Variants in ZMYND8 observed in about 807,000 individuals in gnomAD.
ZMYND8 encodes MYND-type zinc finger-containing chromatin reader ZMYND8.
In ZMYND8, 37 loss-of-function variants were observed where a neutral mutation model predicts 140.8. The observed-to-expected ratio is 0.26, with a 90% CI of 0.20 to 0.35. The LOEUF (loss-of-function observed/expected upper bound fraction) is 0.35. ZMYND8 is among the 10% of genes least tolerant of loss of function. The probability of loss-of-function intolerance (pLI) is 1.00; values close to 1 mark genes in which losing one functional copy is unlikely to be tolerated. For missense variants in ZMYND8, 1,068 were observed against 1,570.0 expected (o/e 0.68, Z 5.40); for synonymous variants, 592 against 597.1 (o/e 0.99, Z 0.12).
intron 3 of ZMYND8, among the ~76,000 whole-genome samples, chr20:47,303,563 T>C (rs544229407): frequency 2.7e-4 from 41 of 151,976 alleles, no homozygotes; most frequent in Middle Eastern, 6.8e-3. Flanking sequence ...ACTAAAACTA[T>C]AGGTGGGCGC....
At chr20:47,282,328 GAA>G (rs1410106947) in intron 9 of ZMYND8, 111 bp from the exon 10 acceptor site, 2 of 875,976 alleles carry the variant, frequency 2.3e-6, no homozygotes. Context: ...GCCATGAGTG[GAA>G]AAAGAGTTTC....
At position 47,310,129 on chromosome 20, in the gene ZMYND8, G is replaced by A. The variant is rs544023250; in HGVS notation, c.161C>T (p.Pro54Leu). Residue 54 changes from proline (P) to leucine (L), a missense_variant, in exon 3 of 23, where the codon CCG becomes CTG. Physicochemically the swap from Pro to Leu is moderately conservative, Grantham distance 98. Around this residue, in one of 10 missense-constraint regions of ZMYND8, gnomAD observed 77 missense variants for 85.1 expected, o/e 0.91. Coordinates refer to ENST00000471951, the MANE Select transcript of ZMYND8 (RefSeq NM_001281775.3). ...AATGGGGCTTGTTGATGTGTCCTGCGGCGAGTGGCCATTGGAAGAATGTGG... is the reference window on the plus strand; with the variant it reads ...AATGGGGCTTGTTGATGTGTCCTGCAGCGAGTGGCCATTGGAAGAATGTGG... ...SPPHSSNGHS[P>L]QDTSTSPIKK... The A allele has an allele frequency of 1.1e-5, 17 of 1,613,916 alleles. No individual in the cohort carries two copies. Among genetic ancestry groups the A allele is most frequent in the East Asian group, 4.5e-5 (2 of 44,882 alleles).
chr20:47,230,413 C>T (rs928543109), intron 16 of ZMYND8, among the ~76,000 whole-genome samples: 1 of 151,986 alleles, frequency 6.6e-6, no homozygotes, highest in African/African-American at 2.4e-5. Context: ...GCCTCAGCCT[C>T]CCAAGTAGTT....
intron 1 of ZMYND8, chr20:47,353,667 G>A (rs908639374): frequency 6.6e-6 from 1 of 152,248 alleles, no homozygotes; most frequent in Non-Finnish European, 1.5e-5. Flanking sequence ...GTCTGTGTTT[G>A]CTCCTTGCAG....
At chr20:47,301,908 G>A (rs1463906676) in intron 3 of ZMYND8, among the ~76,000 whole-genome samples, 1 of 152,108 alleles carries the variant, frequency 6.6e-6, no homozygotes, top group Non-Finnish European at 1.5e-5. Flanking sequence ...TTACCTCCAT[G>A]ATGTTCTGGT....
chr20:47,282,763 G>A (rs1220180566), intron 9 of ZMYND8, among the ~76,000 whole-genome samples: 1 of 151,312 alleles, frequency 6.6e-6, no homozygotes, highest in Non-Finnish European at 1.5e-5. Flanking sequence ...GAGAAAACCA[G>A]GGTTGGATTC....
intron 14 of ZMYND8, among the ~76,000 whole-genome samples, chr20:47,241,471 C>T (rs1266783743): frequency 1.3e-5 from 2 of 152,012 alleles, no homozygotes; most frequent in African/African-American, 2.4e-5. Flanking sequence ...AGGATTTCAA[C>T]AGGCGGAAAG....
chr20:47,276,563 T>C lies in ZMYND8; in HGVS notation c.1231A>G (p.Ile411Val). The change falls in exon 11 of 23, where the codon ATA (isoleucine) becomes GTA (valine). Residue 411 changes from isoleucine (I) to valine (V), a missense_variant. By Grantham distance (29) the Ile-to-Val change is conservative (BLOSUM62 3). This residue lies in a region of ZMYND8 where 173 missense variants were observed against 223.3 expected (regional missense o/e 0.77). Transcript: ENST00000471951. ...AGCTTGACCTTCTCCTGCTTGTCTA[T>C]CTTGGCAGTGCCGGCGCTGGGGTTG... The part of the protein sequence containing the change: ...PTNPSAGTAK[I>V]DKQEKVKLNF... 2 of 1,613,914 alleles carry C rather than the reference T, an allele frequency of 1.2e-6. No individual in the cohort carries two copies. Among genetic ancestry groups the C allele is most frequent in the Non-Finnish European group, 1.7e-6 (2 of 1,179,990 alleles).
At chr20:47,258,634 G>A (rs1461213933) in intron 12 of ZMYND8, among the ~76,000 whole-genome samples, 1 of 152,032 alleles carries the variant, frequency 6.6e-6, no homozygotes, top group Non-Finnish European at 1.5e-5. Flanking sequence ...ATTTTTTAAG[G>A]AAATCCTGTT....
intron 19 of ZMYND8, among the ~76,000 whole-genome samples, chr20:47,222,835 G>T (rs964918365): frequency 6.6e-6 from 1 of 152,240 alleles, no homozygotes; most frequent in Admixed American, 6.5e-5. Flanking sequence ...GCAAGAGCTG[G>T]CAAGCTAGTG....
intron 9 of ZMYND8, among the ~76,000 whole-genome samples, chr20:47,282,597 C>T (rs769136885): frequency 5.9e-5 from 9 of 152,064 alleles, no homozygotes; most frequent in Non-Finnish European, 1.3e-4. Context: ...TGGTGGCACA[C>T]GCCTGTAGTC....
chr20:47,317,671 G>A (rs2079520269), intron 2 of ZMYND8, among the ~76,000 whole-genome samples: 1 of 152,204 alleles, frequency 6.6e-6, no homozygotes, highest in Admixed American at 6.5e-5. Context: ...CCAACCATGT[G>A]CTTAGCTGGG....
intron 16 of ZMYND8, among the ~76,000 whole-genome samples, chr20:47,230,136 G>C (rs540146041): frequency 6.6e-6 from 1 of 152,232 alleles, no homozygotes; most frequent in East Asian, 1.9e-4. Flanking sequence ...AGCATTAATG[G>C]GGTAAAAATT....
At position 47,249,347 on chromosome 20, in the gene ZMYND8, T is replaced by A. The variant is rs1212391475; in HGVS notation, c.1714A>T (p.Ile572Phe). The A allele has an allele frequency of 2.5e-6, 4 of 1,614,150 alleles. No homozygotes were observed. The highest frequency in any genetic ancestry group is 3.4e-6 in the Non-Finnish European group (4 of 1,180,028). ...AGATTCAGCTGGAACCTGCTACGAATCTGGCGCTTGGGAGAGATGAGAGGA... is the reference window on the plus strand; with the variant it reads ...AGATTCAGCTGGAACCTGCTACGAAACTGGCGCTTGGGAGAGATGAGAGGA... ...PVPLISPKRQ[I>F]RSRFQLNLDK... The change falls in exon 13 of 23, where the codon ATT becomes TTT. Residue 572 changes from isoleucine (I) to phenylalanine (F), a missense_variant. Physicochemically the swap from Ile to Phe is conservative, Grantham distance 21. This residue lies in a region of ZMYND8 where 173 missense variants were observed against 223.3 expected (regional missense o/e 0.77). Transcript: ENST00000471951.
chr20:47,279,155 GAA>G (rs777299141), intron 10 of ZMYND8, among the ~76,000 whole-genome samples: 3 of 152,074 alleles, frequency 2.0e-5, no homozygotes, highest in Non-Finnish European at 4.4e-5. Context: ...GGCAGGGAAG[GAA>G]AAGAGTCTCT....
intron 17 of ZMYND8, among the ~76,000 whole-genome samples, chr20:47,228,357 G>A (rs1262229089): frequency 6.6e-6 from 1 of 152,178 alleles, no homozygotes; most frequent in Non-Finnish European, 1.5e-5. Context: ...CACGTAGTGT[G>A]AACAATCACA....
intron 21 of ZMYND8, among the ~76,000 whole-genome samples, chr20:47,213,660 G>A (rs752235139): frequency 6.6e-6 from 1 of 152,154 alleles, no homozygotes; most frequent in Non-Finnish European, 1.5e-5. Context: ...GCCAAAAGAG[G>A]GGTCAAGAGA....
chr20:47,289,570 A>G (rs2077128288), intron 7 of ZMYND8, among the ~76,000 whole-genome samples: 1 of 151,986 alleles, frequency 6.6e-6, no homozygotes, highest in South Asian at 2.1e-4. Flanking sequence ...ATCCATGAGC[A>G]TCAACAAGGT....
chr20:47,291,449 C>G (rs2077258546), intron 6 of ZMYND8, among the ~76,000 whole-genome samples: 1 of 152,168 alleles, frequency 6.6e-6, no homozygotes, highest in African/African-American at 2.4e-5. Flanking sequence ...TCTCTTCTTC[C>G]TTCCTGCTGC....
Sources: allele counts gnomAD v4.1 joint callset (sites outside exome capture counted in the v4.1 genomes callset), GRCh38; gene constraint gnomAD v4.1.1; regional missense constraint gnomAD v4.1.1; transcripts MANE v1.5; gene names NCBI Gene and HGNC (gene_info 2026-07-23, HGNC 2026-07-21).